Variants in FAM193A observed in about 807,000 individuals in gnomAD.
FAM193A encodes the protein family with sequence similarity 193 member A.
In FAM193A, 22 loss-of-function variants were observed where a neutral mutation model predicts 126.5. The ratio of observed to expected loss-of-function variants is 0.17; its 90% CI spans 0.12 to 0.25. The LOEUF (loss-of-function observed/expected upper bound fraction) is 0.25. Ranked by LOEUF, FAM193A falls within the 10% of genes least tolerant of loss-of-function variation. FAM193A has a pLI of 1.00. For missense variants in FAM193A, 1,675 were observed against 1,672.8 expected (o/e 1.00, Z -0.02); for synonymous variants, 761 against 646.8 (o/e 1.18, Z -2.68).
rs191930926 is a variant in FAM193A at position 2,598,333 on chromosome 4, A to G, written c.501+2004A>G. Among the ~76,000 whole-genome samples the G allele has an allele frequency of 3.4e-3, 515 of 152,358 alleles. 4 individuals carry two copies. The highest frequency in any genetic ancestry group is 0.02 in the Middle Eastern group (6 of 294). ...TTTTTTATTGAGTAATTTTACAGATAAACCAATTTATGCATTCACCAATTA... is the reference window on the plus strand; with the variant it reads ...TTTTTTATTGAGTAATTTTACAGATGAACCAATTTATGCATTCACCAATTA... On this transcript the variant is annotated intron_variant, in intron 2 of 20. Transcript: ENST00000637812.
intron 1 of FAM193A, among the ~76,000 whole-genome samples, chr4:2,579,655 T>C (rs922819795): frequency 2.6e-5 from 4 of 152,036 alleles, no homozygotes; most frequent in African/African-American, 4.8e-5. Context: ...CCAGTGATCA[T>C]GCCACTGTAC....
intron 3 of FAM193A, 130 bp from the exon 4 acceptor site, chr4:2,626,280 C>T (rs1448712940): frequency 1.4e-5 from 9 of 623,836 alleles, no homozygotes; most frequent in Non-Finnish European, 2.4e-5. Context: ...GCACTGACAG[C>T]AGCCTGATTG....
At chr4:2,619,574 G>T in intron 2 of FAM193A, among the ~76,000 whole-genome samples, 1 of 151,968 alleles carries the variant, frequency 6.6e-6, no homozygotes, top group East Asian at 1.9e-4. Context: ...CCTCATGTTG[G>T]CCAGGCTGCT....
chr4:2,650,354 A>C (rs1164465722), intron 7 of FAM193A, among the ~76,000 whole-genome samples: 1 of 152,152 alleles, frequency 6.6e-6, no homozygotes, highest in Non-Finnish European at 1.5e-5. Flanking sequence ...AGGAGGGAGG[A>C]GCATGAGATC....
intron 5 of FAM193A, among the ~76,000 whole-genome samples, chr4:2,637,823 T>C (rs1391649990): frequency 1.3e-5 from 2 of 152,242 alleles, no homozygotes; most frequent in Admixed American, 6.5e-5. Flanking sequence ...AATTCAGCGC[T>C]AAGGACAGTG....
intron 2 of FAM193A, among the ~76,000 whole-genome samples, chr4:2,618,278 G>A (rs995830270): frequency 2.0e-5 from 3 of 152,114 alleles, no homozygotes; most frequent in Non-Finnish European, 4.4e-5. Context: ...GGCTTACATA[G>A]TGTGAATTTA....
At chr4:2,675,952 C>T (rs969879717) in intron 13 of FAM193A, among the ~76,000 whole-genome samples, 4 of 152,276 alleles carry the variant, frequency 2.6e-5, no homozygotes, top group African/African-American at 4.8e-5. Context: ...TTCATGTTGT[C>T]GCATATTGCA....
At chr4:2,633,279 G>T (rs575023566) in intron 5 of FAM193A, among the ~76,000 whole-genome samples, 93 of 151,296 alleles carry the variant, frequency 6.1e-4, no homozygotes, top group Non-Finnish European at 1.2e-3. Context: ...GGCGCCTGTA[G>T]TCCCAGCTAC....
At chr4:2,680,343 C>T (rs561980624) in intron 13 of FAM193A, among the ~76,000 whole-genome samples, 16 of 152,188 alleles carry the variant, frequency 1.1e-4, no homozygotes, top group South Asian at 8.3e-4. Flanking sequence ...TTCTTTGAAA[C>T]GGCATCTCAC....
At chr4:2,695,161 G>A in intron 17 of FAM193A, 32 bp downstream of exon 17, 1 of 1,532,560 alleles carries the variant, frequency 6.5e-7, no homozygotes, top group African/African-American at 1.4e-5. Context: ...ATCATGATGT[G>A]GGAAGTGTGC....
intron 15 of FAM193A, among the ~76,000 whole-genome samples, chr4:2,691,792 TAAAA>T (rs984111699): frequency 6.7e-6 from 1 of 149,516 alleles, no homozygotes; most frequent in East Asian, 2.0e-4. Context: ...AAAAAAAAGT[TAAAA>T]AAACAGGAAG....
intron 16 of FAM193A, 60 bp from the exon 17 acceptor site, chr4:2,694,886 A>G: frequency 6.9e-7 from 1 of 1,439,244 alleles, no homozygotes; most frequent in Non-Finnish European, 9.4e-7. Context: ...ATGTGCAACA[A>G]TGTGAGTCAT....
At chr4:2,628,903 A>T (rs1470805744) in intron 4 of FAM193A, among the ~76,000 whole-genome samples, 1 of 144,736 alleles carries the variant, frequency 6.9e-6, no homozygotes, top group African/African-American at 2.6e-5. Flanking sequence ...CCCAGGGTGG[A>T]GTGCAGTGGC....
chr4:2,606,939 G>C (rs1741584013), intron 2 of FAM193A, among the ~76,000 whole-genome samples: 1 of 152,176 alleles, frequency 6.6e-6, no homozygotes, highest in Admixed American at 6.5e-5. Flanking sequence ...TTGCCTTGAA[G>C]TGACGGACTC....
chr4:2,555,837 C>T (rs747948060), intron 1 of FAM193A, among the ~76,000 whole-genome samples: 1 of 151,660 alleles, frequency 6.6e-6, no homozygotes, highest in Non-Finnish European at 1.5e-5. Context: ...CGGGTGGTCT[C>T]GATCTCCTGA....
At chr4:2,688,047 T>C (rs879735819) in intron 13 of FAM193A, among the ~76,000 whole-genome samples, 2 of 152,198 alleles carry the variant, frequency 1.3e-5, no homozygotes, top group Non-Finnish European at 2.9e-5. Context: ...TACTCATTTC[T>C]GCATCCCAGA....
At chr4:2,575,487 C>G (rs1237537613) in intron 1 of FAM193A, among the ~76,000 whole-genome samples, 4 of 126,034 alleles carry the variant, frequency 3.2e-5, no homozygotes, top group Admixed American at 2.4e-4. Flanking sequence ...TTTTTTTTGA[C>G]GCTGAGTCTT....
intron 1 of FAM193A, among the ~76,000 whole-genome samples, chr4:2,578,256 A>G (rs1437119405): frequency 6.6e-6 from 1 of 152,100 alleles, no homozygotes; most frequent in Non-Finnish European, 1.5e-5. Context: ...TGTTACTTAT[A>G]ATATTTTTCT....
chr4:2,596,785 C>T (rs550315023), intron 2 of FAM193A, among the ~76,000 whole-genome samples: 1 of 152,236 alleles, frequency 6.6e-6, no homozygotes, highest in South Asian at 2.1e-4. Context: ...CACCCTTACT[C>T]TTATCTTTGA....
Sources: allele counts gnomAD v4.1 joint callset (sites outside exome capture counted in the v4.1 genomes callset), GRCh38; gene constraint gnomAD v4.1.1; transcripts MANE v1.5; gene names NCBI Gene and HGNC (gene_info 2026-07-23, HGNC 2026-07-21).